Variants in CCDC13 observed in about 807,000 individuals in gnomAD.
CCDC13 encodes the protein coiled-coil domain containing 13.
CCDC13 carries 70 observed loss-of-function variants against 87.3 expected under a neutral mutation model. That is an observed-to-expected ratio of 0.80 (90% CI 0.66 to 0.98). The LOEUF is 0.98. CCDC13 is among the 50% of genes least tolerant of loss of function. The probability of loss-of-function intolerance (pLI) is 0.00; values close to 1 mark genes in which losing one functional copy is unlikely to be tolerated. For missense variants in CCDC13, 842 were observed against 892.0 expected (o/e 0.94, Z 0.71); for synonymous variants, 317 against 360.3 (o/e 0.88, Z 1.36).
intron 2 of CCDC13, among the ~76,000 whole-genome samples, chr3:42,757,556 A>G (rs904003866): frequency 1.3e-5 from 2 of 152,148 alleles, no homozygotes; most frequent in Non-Finnish European, 1.5e-5. Context: ...TCTAAAAATA[A>G]AAGAAAACAA....
chr3:42,755,793 T>A (rs1699690143), intron 3 of CCDC13, among the ~76,000 whole-genome samples: 1 of 152,122 alleles, frequency 6.6e-6, no homozygotes, highest in Non-Finnish European at 1.5e-5. Flanking sequence ...CAAGAGACAG[T>A]TAACAATGAG....
At position 42,739,604 on chromosome 3, in the gene CCDC13, T is replaced by C. The variant is rs769995834; in HGVS notation, c.1164+30A>G. 18 of 1,602,058 alleles carry C rather than the reference T, an allele frequency of 1.1e-5. No homozygotes were observed. In the South Asian group the frequency reaches 1.7e-4, roughly 15 times the overall value. On this transcript the variant is annotated intron_variant, in intron 9 of 15. Transcript: ENST00000310232. ...CATCCTTTGAGGAACCACCCCTGGC[T>C]CTCGCCCTGCCTGAGTGGTGGGGCC...
chr3:42,754,080 A>T (rs549998833), intron 3 of CCDC13, among the ~76,000 whole-genome samples: 87 of 152,314 alleles, frequency 5.7e-4, no homozygotes, highest in African/African-American at 2.0e-3. Flanking sequence ...AGTTTCCTGA[A>T]CACTTCTGAC....
chr3:42,723,080 A>T (rs1698606184), intron 13 of CCDC13, among the ~76,000 whole-genome samples: 1 of 152,074 alleles, frequency 6.6e-6, no homozygotes, highest in Non-Finnish European at 1.5e-5. Flanking sequence ...TACAGGCGTG[A>T]GCCACCGCAC....
rs564670524 is a variant in CCDC13 at position 42,707,302 on chromosome 3, G to A, written c.*1678C>T. Among the ~76,000 whole-genome samples the A allele has an allele frequency of 4.6e-5, 7 of 152,208 alleles. No individual in the cohort carries two copies. The highest frequency in any genetic ancestry group is 3.9e-4 in the East Asian group (2 of 5,170). ...CTCTCTCCTGGCTCTCTGCCTGGCC[G>A]TTTTCCTTCACAAGGAACCAGAGAA... On this transcript the variant is annotated 3_prime_UTR_variant, in exon 16 of 16. Coordinates refer to ENST00000310232, the MANE Select transcript of CCDC13 (RefSeq NM_144719.4).
intron 13 of CCDC13, 103 bp from the exon 14 acceptor site, chr3:42,713,419 T>C: frequency 3.5e-6 from 4 of 1,150,756 alleles, no homozygotes; most frequent in Non-Finnish European, 5.0e-6. Context: ...CTTACATTGG[T>C]AGTGATGGGA....
In CCDC13 at chr3:42,747,337, G is replaced by C. The variant is rs781458271; in HGVS notation, c.640C>G (p.Leu214Val). The C allele has an allele frequency of 6.2e-7, 1 of 1,614,108 alleles. No homozygotes were observed. Among genetic ancestry groups the C allele is most frequent in the Non-Finnish European group, 8.5e-7 (1 of 1,180,022 alleles). The part of the protein sequence containing the change: ...TPEVKALQDR[L>V]VATNLKMSDL... ...CTCATCTTCAAGTTGGTGGCCACCA[G>C]CCTGTCCTGCAGGGCCTTCACCTCT... The change falls in exon 6 of 16, where the codon CTG becomes GTG. Residue 214 changes from leucine (L) to valine (V), a missense_variant. By Grantham distance (32) the Leu-to-Val change is conservative (BLOSUM62 1). Coordinates refer to ENST00000310232, the MANE Select transcript of CCDC13 (RefSeq NM_144719.4).
intron 10 of CCDC13, 92 bp from the exon 11 acceptor site, chr3:42,733,701 C>G: frequency 6.8e-7 from 1 of 1,466,612 alleles, no homozygotes; most frequent in Non-Finnish European, 9.0e-7. Context: ...TCGGGGCTTT[C>G]AGAGGATATG....
chr3:42,704,175 C>T (rs114070799), downstream of CCDC13: 2,976 of 152,342 alleles, frequency 0.02, 91 homozygotes, highest in African/African-American at 0.067. Flanking sequence ...TGCCACTGTA[C>T]GCAGTTGGGA....
chr3:42,763,960 T>C (rs1047115239), intron 1 of CCDC13, among the ~76,000 whole-genome samples: 38 of 152,288 alleles, frequency 2.5e-4, no homozygotes, highest in Admixed American at 2.3e-3. Context: ...ATTTAAGATA[T>C]ATACCGATTT....
chr3:42,714,020 G>A (rs1698374360), intron 13 of CCDC13: 1 of 152,222 alleles, frequency 6.6e-6, no homozygotes, highest in Non-Finnish European at 1.5e-5. Flanking sequence ...GAAGGACTGA[G>A]GTCCCTGTTC....
chr3:42,764,251 G>A (rs991323344), intron 1 of CCDC13, among the ~76,000 whole-genome samples: 1 of 152,164 alleles, frequency 6.6e-6, no homozygotes, highest in Non-Finnish European at 1.5e-5. Flanking sequence ...AGGGAGGAGG[G>A]TATAATGAGG....
At chr3:42,731,018 C>T (rs1042133789) in intron 12 of CCDC13, among the ~76,000 whole-genome samples, 1 of 152,118 alleles carries the variant, frequency 6.6e-6, no homozygotes, top group Non-Finnish European at 1.5e-5. Context: ...TGGCTTGGTC[C>T]CCAAGCCCAG....
chr3:42,743,600 T>TATATATATATATAC, intron 7 of CCDC13, among the ~76,000 whole-genome samples: 1 of 125,800 alleles, frequency 7.9e-6, no homozygotes, highest in South Asian at 2.4e-4. Context: ...TATATATATA[T>TATATATATATATAC]ACACACACAC....
chr3:42,747,413 C>A (rs1699442872), intron 5 of CCDC13, 40 bp from the exon 6 acceptor site: 3 of 1,351,988 alleles, frequency 2.2e-6, no homozygotes, highest in Non-Finnish European at 3.2e-6. Context: ...TCATTTATTG[C>A]CTACATGGGA....
At position 42,750,528 on chromosome 3, in the gene CCDC13, C is replaced by T. The variant is rs531197133; in HGVS notation, c.603+1408G>A. ...TGTCACCCAGGCTGGAGTGCAGTGG[C>T]GCTATCTCAGCTCACTGCAACCTCT... On this transcript the variant is annotated intron_variant, in intron 5 of 15. Coordinates refer to ENST00000310232, the MANE Select transcript of CCDC13 (RefSeq NM_144719.4). Among the ~76,000 whole-genome samples the T allele has an allele frequency of 6.2e-4, 95 of 152,278 alleles. 4 individuals are homozygous for T. In the South Asian group the frequency reaches 0.019, roughly 30 times the overall value.
At chr3:42,720,315 A>G (rs888614751) in intron 13 of CCDC13, among the ~76,000 whole-genome samples, 4 of 152,232 alleles carry the variant, frequency 2.6e-5, no homozygotes, top group Admixed American at 6.5e-5. Context: ...TAGGCCTCCT[A>G]AATGCCTCGT....
chr3:42,739,830 G>A lies in CCDC13; in HGVS notation c.988-20C>T. 6.2e-7 allele frequency: 1 copy of A among 1,609,432 alleles called. No homozygotes were observed. The highest frequency in any genetic ancestry group is 8.5e-7 in the Non-Finnish European group (1 of 1,177,016). On this transcript the variant is annotated intron_variant, in intron 8 of 15. Coordinates refer to ENST00000310232, the MANE Select transcript of CCDC13 (RefSeq NM_144719.4). Reference sequence around the variant, plus strand: ...AAGTTTCTGTAATTAGAAAGTGAGGGCATGGGCAGCAGGGCTGTGTGGGAC... The same window carrying A: ...AAGTTTCTGTAATTAGAAAGTGAGGACATGGGCAGCAGGGCTGTGTGGGAC...
At position 42,747,366 on chromosome 3, in the gene CCDC13, G is replaced by A. The variant is rs770284263; in HGVS notation, c.611C>T (p.Thr204Ile). The A allele has an allele frequency of 1.9e-6, 3 of 1,612,396 alleles. No individual in the cohort carries two copies. Among genetic ancestry groups the A allele is most frequent in the East Asian group, 4.5e-5 (2 of 44,866 alleles). ...GTCCTGCAGGGCCTTCACCTCTGGG[G>A]TCTCCAGCTGGTTGGGAAGGACAGG... Reference protein sequence around the residue: ...AQMGDRALLETPEVKALQDRL... With the variant: ...AQMGDRALLEIPEVKALQDRL... The change falls in exon 6 of 16, where the codon ACC (threonine) becomes ATC (isoleucine). Residue 204 changes from threonine (T) to isoleucine (I), a missense_variant. Thr to Ile is a moderately conservative substitution (Grantham distance 89). Coordinates refer to ENST00000310232, the MANE Select transcript of CCDC13 (RefSeq NM_144719.4).
Sources: gnomAD v4.1 joint callset for allele counts (sites outside exome capture counted in the v4.1 genomes callset) on GRCh38, gnomAD v4.1.1 for gene constraint, MANE v1.5 for transcripts, NCBI Gene and HGNC (gene_info 2026-07-23, HGNC 2026-07-21) for gene names.